Variants in LOC400499 observed in about 807,000 individuals in gnomAD.
At chr16:11,456,373 A>C in the LOC400499 span, among the ~76,000 whole-genome samples, 1 of 151,454 alleles carries the variant, frequency 6.6e-6, no homozygotes, top group Non-Finnish European at 1.5e-5. Context: ...TAAAAGTGAC[A>C]GACAGTGTTT....
At chr16:11,448,093 G>A in the LOC400499 span, 1 of 1,531,074 alleles carries the variant, frequency 6.5e-7, no homozygotes, top group Non-Finnish European at 8.7e-7. Context: ...GATCCAGGCT[G>A]AAGAGAGGGA....
chr16:11,417,728 G>C, the LOC400499 span: 1 of 399,192 alleles, frequency 2.5e-6, no homozygotes, highest in Non-Finnish European at 4.4e-6. Context: ...GAGAGCTCCA[G>C]GTGCCCATCA....
chr16:11,512,383 A>T, the LOC400499 span, among the ~76,000 whole-genome samples: 1 of 152,078 alleles, frequency 6.6e-6, no homozygotes, highest in African/African-American at 2.4e-5. Context: ...CAGATCAGAC[A>T]CCTGAGGTCA....
At chr16:11,453,016 T>C in the LOC400499 span, among the ~76,000 whole-genome samples, 10 of 152,180 alleles carry the variant, frequency 6.6e-5, no homozygotes, top group Middle Eastern at 6.3e-3. Flanking sequence ...TCTCCACTTT[T>C]ATTCCTGAGT....
chr16:11,384,498 C>T, the LOC400499 span, among the ~76,000 whole-genome samples: 1 of 152,196 alleles, frequency 6.6e-6, no homozygotes, highest in Non-Finnish European at 1.5e-5. Flanking sequence ...GCTGTAAACC[C>T]TCATCAGAGG....
the LOC400499 span, among the ~76,000 whole-genome samples, chr16:11,518,131 G>A: frequency 6.6e-6 from 1 of 152,218 alleles, no homozygotes; most frequent in South Asian, 2.1e-4. Flanking sequence ...CATTTCTGAT[G>A]AGGAGCTGGG....
the LOC400499 span, chr16:11,508,708 C>T: frequency 2.5e-6 from 1 of 399,102 alleles, no homozygotes; most frequent in Non-Finnish European, 4.4e-6. Flanking sequence ...GCTGGAGAAG[C>T]CACTTACCTC....
the LOC400499 span, among the ~76,000 whole-genome samples, chr16:11,474,394 G>A: frequency 3.3e-5 from 5 of 152,040 alleles, no homozygotes; most frequent in African/African-American, 4.8e-5. Flanking sequence ...TACCTCACTG[G>A]CATTTATAAT....
At chr16:11,448,159 C>G in the LOC400499 span, 1 of 1,436,102 alleles carries the variant, frequency 7.0e-7, no homozygotes, top group Non-Finnish European at 9.2e-7. Flanking sequence ...GAGGTAGCCC[C>G]CCACAACCTG....
the LOC400499 span, among the ~76,000 whole-genome samples, chr16:11,383,024 A>ACAAT: frequency 2.0e-5 from 3 of 151,594 alleles, no homozygotes; most frequent in Admixed American, 6.6e-5. Context: ...CAGGAAGCTT[A>ACAAT]CAATCATGGC....
chr16:11,499,858 G>T, the LOC400499 span, among the ~76,000 whole-genome samples: 1 of 152,174 alleles, frequency 6.6e-6, no homozygotes, highest in African/African-American at 2.4e-5. Context: ...CACACCCCAA[G>T]GTCTCAGGTC....
chr16:11,518,326 G>A, the LOC400499 span, among the ~76,000 whole-genome samples: 1 of 152,168 alleles, frequency 6.6e-6, no homozygotes. Flanking sequence ...CGGCTGCTCT[G>A]AGCTTTGAGG....
the LOC400499 span, among the ~76,000 whole-genome samples, chr16:11,503,458 G>A: frequency 0.035 from 5,368 of 152,224 alleles, 133 homozygotes; most frequent in Non-Finnish European, 0.051. Flanking sequence ...CAAGGTAGGA[G>A]CCGAGCCAAG....
the LOC400499 span, among the ~76,000 whole-genome samples, chr16:11,398,937 C>T: frequency 6.6e-6 from 1 of 152,166 alleles, no homozygotes; most frequent in Admixed American, 6.5e-5. Context: ...ATTCGCCATG[C>T]CCCGCTCGTG....
At chr16:11,402,819 T>G in the LOC400499 span, among the ~76,000 whole-genome samples, 1 of 152,052 alleles carries the variant, frequency 6.6e-6, no homozygotes, top group Non-Finnish European at 1.5e-5. Context: ...CGGAATACTT[T>G]GTTACCATCC....
the LOC400499 span, among the ~76,000 whole-genome samples, chr16:11,387,926 C>T: frequency 6.6e-6 from 1 of 152,158 alleles, no homozygotes; most frequent in Admixed American, 6.5e-5. Flanking sequence ...GCCTGGCCAA[C>T]AGGTCTAGAA....
the LOC400499 span, among the ~76,000 whole-genome samples, chr16:11,456,343 C>T: frequency 6.6e-6 from 1 of 150,918 alleles, no homozygotes; most frequent in Non-Finnish European, 1.5e-5. Context: ...CCACCATTCC[C>T]AGCCGGTGGA....
At chr16:11,447,873 C>G in the LOC400499 span, 2 of 1,481,294 alleles carry the variant, frequency 1.4e-6, no homozygotes, top group Non-Finnish European at 1.8e-6. Flanking sequence ...CCTGGGGATG[C>G]TCCGTGCTAG....
At chr16:11,435,473 G>T in the LOC400499 span, among the ~76,000 whole-genome samples, 70 of 152,256 alleles carry the variant, frequency 4.6e-4, 1 homozygote, top group African/African-American at 1.7e-3. Context: ...AAGAAACAAA[G>T]GGCCAAAGTG....
Sources: allele counts gnomAD v4.1 joint callset (sites outside exome capture counted in the v4.1 genomes callset), GRCh38; gene constraint gnomAD v4.1.1; transcripts MANE v1.5.